The following AQP11 variants were observed in gnomAD, a reference collection of about 807,000 sequenced individuals.
The protein encoded by AQP11 is aquaporin 11.
Under a neutral mutation model 21.1 loss-of-function variants are expected in AQP11, and 20 were observed. That is an observed-to-expected ratio of 0.95 (90% confidence interval 0.67 to 1.38). The LOEUF (loss-of-function observed/expected upper bound fraction) is 1.38, where lower values mean the gene tolerates loss of function less well. AQP11 is among the 40% of genes most tolerant of loss of function. The pLI is 0.00. For missense variants in AQP11, 339 were observed against 340.4 expected (o/e 1.00, Z 0.03); for synonymous variants, 167 against 150.1 (o/e 1.11, Z -0.82).
intron 1 of AQP11, among the ~76,000 whole-genome samples, chr11:77,593,480 C>CA (rs1330591130): frequency 2.6e-5 from 4 of 151,900 alleles, no homozygotes; most frequent in Non-Finnish European, 4.4e-5. Context: ...CTAAAAAATA[C>CA]AAAAAAATTA....
chr11:77,608,199 A>G (rs1958857461), intron 2 of AQP11, among the ~76,000 whole-genome samples: 1 of 152,254 alleles, frequency 6.6e-6, no homozygotes, highest in Non-Finnish European at 1.5e-5. Context: ...TTTACTTTTC[A>G]GGATAGTGAC....
intron 1 of AQP11, among the ~76,000 whole-genome samples, chr11:77,596,537 A>AAAATATATATATATATATATATATATAT: frequency 1.2e-5 from 1 of 86,576 alleles, no homozygotes; most frequent in Non-Finnish European, 2.3e-5. Flanking sequence ...TATATATGTA[A>AAAATATATATATATATATATATATATAT]ATATATATAT....
intron 1 of AQP11, among the ~76,000 whole-genome samples, chr11:77,592,137 C>T (rs189456480): frequency 1.7e-3 from 263 of 152,144 alleles, no homozygotes; most frequent in Non-Finnish European, 2.1e-3. Flanking sequence ...CGTGCTGGTG[C>T]GCACTTGTAG....
In AQP11 at chr11:77,593,534, G is replaced by T. The variant is rs895239346; in HGVS notation, c.619+2923G>T. 1.5e-4 allele frequency among the ~76,000 whole-genome samples: 23 copies of T among 152,316 alleles called. No individual in the cohort carries two copies. The East Asian group carries it at 3.1e-3, about 20-fold the overall frequency. On this transcript the variant is annotated intron_variant, in intron 1 of 2. Transcript: ENST00000313578. Reference sequence around the variant, plus strand: ...TGCCTGTAGTCCCAGCTACTGGGGAGGCTGAGGCAGGAGAATGGCATGAAC... The same window carrying T: ...TGCCTGTAGTCCCAGCTACTGGGGATGCTGAGGCAGGAGAATGGCATGAAC...
At chr11:77,591,896 C>T (rs1352774836) in intron 1 of AQP11, among the ~76,000 whole-genome samples, 2 of 151,892 alleles carry the variant, frequency 1.3e-5, no homozygotes, top group Admixed American at 1.3e-4. Context: ...AGAAAGCAAG[C>T]CTTCCCAATC....
chr11:77,605,497 C>T (rs1195840253), intron 2 of AQP11, among the ~76,000 whole-genome samples: 1 of 152,138 alleles, frequency 6.6e-6, no homozygotes, highest in Non-Finnish European at 1.5e-5. Flanking sequence ...TTACAAAGCT[C>T]CGTCTCCTGT....
chr11:77,590,247 C>T lies in AQP11; in HGVS notation c.255C>T (p.Phe85=). 1 of 1,599,102 alleles carries T rather than the reference C, an allele frequency of 6.3e-7. No homozygotes were observed. The highest frequency in any genetic ancestry group is 8.5e-7 in the Non-Finnish European group (1 of 1,172,000). Residue 85 remains phenylalanine, a synonymous_variant, in exon 1 of 3, where the codon TTC becomes TTT. Coordinates refer to ENST00000313578, the MANE Select transcript of AQP11 (RefSeq NM_173039.3). ...PTWTLTLVYF[F]SLVHGLTLVG... ...GGACGCTGACGCTCGTCTACTTCTT[C>T]TCGCTTGTGCATGGCCTGACTCTGG...
chr11:77,590,480 T>C lies in AQP11; in HGVS notation c.488T>C (p.Leu163Ser), dbSNP rs1467225304. ...TGCAAGAATCCCATCCGAGTCGACT[T>C]GCTCAAAGCGGTCATCACAGAGGCC... ...FACKNPIRVD[L>S]LKAVITEAVC... The change falls in exon 1 of 3, where the codon TTG becomes TCG. Residue 163 changes from leucine (L) to serine (S), a missense_variant. Leu to Ser is a moderately radical substitution (Grantham distance 145). Transcript: ENST00000313578. 1.2e-6 allele frequency: 2 copies of C among 1,614,202 alleles called. No individual in the cohort carries two copies. Among genetic ancestry groups the C allele is most frequent in the East Asian group, 4.5e-5 (2 of 44,886 alleles).
At chr11:77,598,044 AG>A (rs757586218) in intron 1 of AQP11, among the ~76,000 whole-genome samples, 49 of 152,084 alleles carry the variant, frequency 3.2e-4, no homozygotes, top group Non-Finnish European at 1.5e-4. Flanking sequence ...TGGCCTAGAG[AG>A]GTATTTTCAA....
rs1486810348 is a variant in AQP11, at chr11:77,590,595, CT to C, written c.608del (p.Leu203TrpfsTer8). On this transcript the variant is annotated frameshift_variant, in exon 1 of 3. Transcript: ENST00000313578. LOFTEE classifies it high-confidence loss of function. ...RIHLLAALIT[F>X]LVYAGGSLTG... ...TCCACCTGCTGGCTGCACTCATCAC[CT>C]TTTTGGTCTATGCAGGTTTGTCATT... 1 of 1,613,744 alleles carries C rather than the reference CT, an allele frequency of 6.2e-7. No homozygotes were observed. The highest frequency in any genetic ancestry group is 8.5e-7 in the Non-Finnish European group (1 of 1,179,840).
At chr11:77,604,899 TTC>T (rs1244355843) in intron 2 of AQP11, among the ~76,000 whole-genome samples, 44 of 152,204 alleles carry the variant, frequency 2.9e-4, no homozygotes, top group Non-Finnish European at 5.9e-4. Context: ...AAGAAAAATT[TTC>T]TCTGTTTTTA....
intron 1 of AQP11, among the ~76,000 whole-genome samples, chr11:77,595,550 C>G (rs1460559474): frequency 2.6e-5 from 4 of 152,118 alleles, no homozygotes; most frequent in Non-Finnish European, 5.9e-5. Flanking sequence ...AGCATAGGAC[C>G]TGGTACAAAG....
chr11:77,596,617 G>A (rs28730304), intron 1 of AQP11, among the ~76,000 whole-genome samples: 21,795 of 139,662 alleles, frequency 0.16, 2,223 homozygotes, highest in African/African-American at 0.27. Context: ...TCCCAGGACC[G>A]GGACGTCAAG....
At position 77,609,401 on chromosome 11, in the gene AQP11, A is replaced by G. The variant is rs370253292; in HGVS notation, c.*24A>G. 1.5e-4 allele frequency: 231 copies of G among 1,572,258 alleles called. No individual in the cohort carries two copies. Among genetic ancestry groups the G allele is most frequent in the Non-Finnish European group, 2.0e-4 (227 of 1,146,630 alleles). ...AACTGTTCCAAAGACTCAGACTAAC[A>G]TACAGGACAGTCCAGCTGGATGTGA... On this transcript the variant is annotated 3_prime_UTR_variant, in exon 3 of 3. Transcript: ENST00000313578.
intron 1 of AQP11, 143 bp downstream of exon 1, chr11:77,590,754 C>G (rs551231571): frequency 6.7e-7 from 1 of 1,483,558 alleles, no homozygotes; most frequent in East Asian, 2.3e-5. Context: ...CATTTTGCAG[C>G]CCGTTCTTAA....
At chr11:77,597,930 G>A (rs1396425621) in intron 1 of AQP11, among the ~76,000 whole-genome samples, 3 of 151,894 alleles carry the variant, frequency 2.0e-5, no homozygotes, top group African/African-American at 7.3e-5. Flanking sequence ...TAGTAGAGAT[G>A]GGGTTTCACC....
Position 77,609,300 on chromosome 11 carries a change from A to G in AQP11, c.739A>G (p.Ile247Val). 6.2e-7 allele frequency: 1 copy of G among 1,611,380 alleles called. No homozygotes were observed. Among genetic ancestry groups the G allele is most frequent in the Middle Eastern group, 1.7e-4 (1 of 5,994 alleles). The change falls in exon 3 of 3, where the codon ATA becomes GTA. Residue 247 changes from isoleucine to valine, a missense_variant and splice_region_variant. Transcript: ENST00000313578. ...IVYWLAPSLG[I>V]LLMILMFSFF... ...TTTTACTGTATTTTGTCTTTCAGGT[A>G]TATTGTTGATGATTTTGATGTTCAG...
chr11:77,603,579 T>A lies in AQP11; in HGVS notation c.643T>A (p.Phe215Ile). 6.2e-7 allele frequency: 1 copy of A among 1,601,022 alleles called. No homozygotes were observed. The highest frequency in any genetic ancestry group is 8.5e-7 in the Non-Finnish European group (1 of 1,174,850). The change falls in exon 2 of 3, where the codon TTT (phenylalanine) becomes ATT (isoleucine). Residue 215 changes from phenylalanine to isoleucine, a missense_variant. By Grantham distance (21) the Phe-to-Ile change is conservative. Coordinates refer to ENST00000313578, the MANE Select transcript of AQP11 (RefSeq NM_173039.3). ...YAGGSLTGAV[F>I]NPALALSLHF... ...AGGAGGAAGTCTAACAGGAGCTGTA[T>A]TTAATCCAGCTTTGGCACTTTCGCT...
intron 2 of AQP11, among the ~76,000 whole-genome samples, chr11:77,608,767 G>C (rs1958860786): frequency 6.6e-6 from 1 of 152,170 alleles, no homozygotes; most frequent in African/African-American, 2.4e-5. Flanking sequence ...TGAAAAAACT[G>C]TTAATAGTTG....
Sources: allele counts gnomAD v4.1 joint callset (sites outside exome capture counted in the v4.1 genomes callset), GRCh38; gene constraint gnomAD v4.1.1; transcripts MANE v1.5; gene names NCBI Gene and HGNC (gene_info 2026-07-23, HGNC 2026-07-21).